Variants in MYO3B observed in about 807,000 individuals in gnomAD.
The protein encoded by MYO3B is myosin IIIB, also known as myosin-IIIb.
Under a neutral mutation model 174.6 loss-of-function variants are expected in MYO3B, and 156 were observed. The observed-to-expected ratio is 0.89, with a 90% CI of 0.78 to 1.02. The LOEUF is 1.02. Ranked by LOEUF, MYO3B falls within the 50% of genes least tolerant of loss-of-function variation. The pLI, the probability that MYO3B is intolerant of heterozygous loss-of-function variation, is 0.00. For synonymous variants in MYO3B, 563 were observed against 569.1 expected (o/e 0.99, Z 0.15); for missense variants, 1,632 against 1,639.4 (o/e 1.00, Z 0.08).
chr2:170,400,389 G>T (rs2094467159), intron 17 of MYO3B, 75 bp downstream of exon 17: 4 of 1,345,288 alleles, frequency 3.0e-6, no homozygotes, highest in Non-Finnish European at 3.0e-6. Context: ...ATATAATGCA[G>T]CATTTGCTGG....
chr2:170,417,965 G>A (rs1574948855), intron 22 of MYO3B, among the ~76,000 whole-genome samples: 1 of 152,218 alleles, frequency 6.6e-6, no homozygotes, highest in African/African-American at 2.4e-5. Context: ...GGGAATGGGG[G>A]ATTGGGAGAG....
intron 25 of MYO3B, among the ~76,000 whole-genome samples, chr2:170,473,901 G>T (rs562046098): frequency 6.6e-6 from 1 of 152,214 alleles, no homozygotes; most frequent in East Asian, 1.9e-4. Flanking sequence ...CACAGCCTAC[G>T]TACATTTTAT....
At chr2:170,357,750 C>T (rs1483721326) in intron 8 of MYO3B, among the ~76,000 whole-genome samples, 1 of 152,098 alleles carries the variant, frequency 6.6e-6, no homozygotes, top group South Asian at 2.1e-4. Context: ...CTCAAGAAGA[C>T]AAACATAAAG....
chr2:170,376,081 A>G (rs1014817019), intron 9 of MYO3B, among the ~76,000 whole-genome samples: 2 of 152,176 alleles, frequency 1.3e-5, no homozygotes, highest in East Asian at 3.8e-4. Context: ...TCTGGCCAAA[A>G]CGGTGCTTAG....
intron 32 of MYO3B, among the ~76,000 whole-genome samples, chr2:170,638,132 A>C (rs1220754727): frequency 6.7e-6 from 1 of 149,214 alleles, no homozygotes; most frequent in Non-Finnish European, 1.5e-5. Flanking sequence ...CACCTGCCAG[A>C]CATTTGTAGA....
chr2:170,426,061 T>A (rs1171546791), intron 22 of MYO3B, among the ~76,000 whole-genome samples: 1 of 133,024 alleles, frequency 7.5e-6, no homozygotes, highest in African/African-American at 2.8e-5. Context: ...ATTTCCACAT[T>A]TATTTTCTTA....
Position 170,598,637 on chromosome 2 carries a change from T to G in MYO3B, c.3734-52991T>G, listed in dbSNP as rs899251838. ...GAGTCCATTGAGACCACATGTGGTC[T>G]ACCTGCTGGTGAGGGATGGCAGTAA... On this transcript the variant is annotated intron_variant, in intron 32 of 34. Coordinates refer to ENST00000408978, the MANE Select transcript of MYO3B (RefSeq NM_138995.5). Among the ~76,000 whole-genome samples the G allele has an allele frequency of 2.0e-5, 3 of 152,182 alleles. No homozygotes were observed. The East Asian group carries it at 5.8e-4, about 29-fold the overall frequency.
intron 24 of MYO3B, among the ~76,000 whole-genome samples, chr2:170,466,028 CT>C (rs1470695097): frequency 6.6e-6 from 1 of 152,112 alleles, no homozygotes; most frequent in African/African-American, 2.4e-5. Context: ...CTCTCATTTT[CT>C]TTGCCTTGTT....
chr2:170,374,540 A>C (rs535721222), intron 9 of MYO3B, among the ~76,000 whole-genome samples: 38 of 152,284 alleles, frequency 2.5e-4, no homozygotes, highest in African/African-American at 9.1e-4. Flanking sequence ...CATCTCAGTT[A>C]TGGCACATAT....
At chr2:170,402,184 G>A (rs370863863) in intron 18 of MYO3B, among the ~76,000 whole-genome samples, 3 of 152,188 alleles carry the variant, frequency 2.0e-5, no homozygotes, top group East Asian at 3.8e-4. Flanking sequence ...AGACCTTGGC[G>A]ATGACCTTGA....
At chr2:170,601,841 C>T (rs1314676929) in intron 32 of MYO3B, 11 of 960,186 alleles carry the variant, frequency 1.1e-5, no homozygotes, top group Non-Finnish European at 1.8e-5. Flanking sequence ...CACATCTCTA[C>T]CAGTTTCTTT....
At chr2:170,580,718 A>ATATATGTGTGTGTG (rs768974458) in intron 32 of MYO3B, among the ~76,000 whole-genome samples, 23 of 142,776 alleles carry the variant, frequency 1.6e-4, no homozygotes, top group Admixed American at 4.9e-4. Flanking sequence ...AACCTTATAT[A>ATATATGTGTGTGTG]TGTGTGTGTG....
intron 32 of MYO3B, among the ~76,000 whole-genome samples, chr2:170,587,208 TTTTA>T (rs1284334541): frequency 3.9e-5 from 6 of 152,346 alleles, no homozygotes; most frequent in African/African-American, 1.4e-4. Flanking sequence ...ATACTGTACT[TTTTA>T]TTATTATGCC....
At chr2:170,558,625 T>A (rs73029066) in intron 32 of MYO3B, among the ~76,000 whole-genome samples, 8,165 of 152,306 alleles carry the variant, frequency 0.054, 548 homozygotes, top group African/African-American at 0.16. Flanking sequence ...ATATTTTCGT[T>A]ACTGTATAGT....
At position 170,426,891 on chromosome 2, in the gene MYO3B, C is replaced by T. The variant is rs533741578; in HGVS notation, c.2651-17076C>T. ...AAAATTAGCCAGGCGTGGTGGCATG[C>T]GCCTGTAATCCCAGCTACTTGGGAG... On this transcript the variant is annotated intron_variant, in intron 22 of 34. Coordinates refer to ENST00000408978, the MANE Select transcript of MYO3B (RefSeq NM_138995.5). 8.6e-5 allele frequency among the ~76,000 whole-genome samples: 13 copies of T among 152,030 alleles called. No homozygotes were observed. In the South Asian group the frequency reaches 1.9e-3, roughly 22 times the overall value.
At chr2:170,359,191 T>G (rs1431490260) in intron 8 of MYO3B, among the ~76,000 whole-genome samples, 2 of 152,132 alleles carry the variant, frequency 1.3e-5, no homozygotes, top group African/African-American at 2.4e-5. Context: ...TTTAGTTGGG[T>G]AGTGAAGATA....
At chr2:170,547,413 C>T (rs1295735722) in intron 32 of MYO3B, among the ~76,000 whole-genome samples, 3 of 152,008 alleles carry the variant, frequency 2.0e-5, no homozygotes, top group Non-Finnish European at 2.9e-5. Context: ...ACAATATACC[C>T]GGGAAGTGCA....
At chr2:170,386,000 A>G in intron 12 of MYO3B, 189 bp from the exon 13 acceptor site, 1 of 513,880 alleles carries the variant, frequency 1.9e-6, no homozygotes, top group East Asian at 3.2e-5. Flanking sequence ...ATTATGGTAC[A>G]TATGTACAAT....
At chr2:170,178,377 G>A in intron 1 of MYO3B, 88 bp downstream of exon 1, 1 of 1,546,194 alleles carries the variant, frequency 6.5e-7, no homozygotes, top group Non-Finnish European at 8.9e-7. Context: ...TGCCCTGGCT[G>A]GTGGGCAGTG....
Sources: allele counts gnomAD v4.1 joint callset (sites outside exome capture counted in the v4.1 genomes callset), GRCh38; gene constraint gnomAD v4.1.1; transcripts MANE v1.5; gene names NCBI Gene and HGNC (gene_info 2026-07-23, HGNC 2026-07-21).